OLFM2: variants seen among roughly 807,000 people sequenced by gnomAD.
The protein encoded by OLFM2 is noelin-2.
In OLFM2, 20 loss-of-function variants were observed where a neutral mutation model predicts 43.9. That is an observed-to-expected ratio of 0.46 (90% CI 0.32 to 0.66). OLFM2 has a LOEUF of 0.66. Ranked by LOEUF, OLFM2 falls within the 30% of genes least tolerant of loss-of-function variation. OLFM2 has a pLI of 0.04. For missense variants in OLFM2, 416 were observed against 643.6 expected, an observed-to-expected ratio of 0.65 and a Z score of 3.83; for synonymous variants, 268 against 278.6, an observed-to-expected ratio of 0.96 and a Z score of 0.38.
chr19:9,898,252 T>C (rs940791100), intron 1 of OLFM2, among the ~76,000 whole-genome samples: 18 of 150,176 alleles, frequency 1.2e-4, no homozygotes, highest in Non-Finnish European at 1.9e-4. Context: ...CTGGGAGTGT[T>C]GGCTCATGCC....
chr19:9,907,406 G>A (rs1315836711), intron 1 of OLFM2, among the ~76,000 whole-genome samples: 1 of 151,994 alleles, frequency 6.6e-6, no homozygotes, highest in African/African-American at 2.4e-5. Flanking sequence ...AGATCGCAGT[G>A]GGCCAAGACG....
chr19:9,913,013 C>G (rs1380108175), intron 1 of OLFM2, among the ~76,000 whole-genome samples: 2 of 151,660 alleles, frequency 1.3e-5, no homozygotes, highest in Non-Finnish European at 1.5e-5. Flanking sequence ...GAGACGCAAC[C>G]AGGCAGAGAC....
intron 1 of OLFM2, among the ~76,000 whole-genome samples, chr19:9,927,559 G>A (rs1018772416): frequency 2.0e-5 from 3 of 152,092 alleles, no homozygotes; most frequent in Non-Finnish European, 2.9e-5. Flanking sequence ...GTCTTCACTC[G>A]CTCATCCTTC....
intron 1 of OLFM2, among the ~76,000 whole-genome samples, chr19:9,872,280 G>A: frequency 6.6e-6 from 1 of 152,306 alleles, no homozygotes; most frequent in East Asian, 1.9e-4. Context: ...GGGAGGCCAA[G>A]GCAGGCAGAT....
intron 1 of OLFM2, 127 bp from the exon 2 acceptor site, chr19:9,860,921 C>T (rs972908917): frequency 2.1e-6 from 2 of 945,346 alleles, no homozygotes; most frequent in Non-Finnish European, 3.1e-6. Context: ...ATGCCAGTGC[C>T]TGTTGTGTGT....
intron 1 of OLFM2, among the ~76,000 whole-genome samples, chr19:9,929,050 C>G (rs1397448661): frequency 1.3e-5 from 2 of 151,592 alleles, no homozygotes; most frequent in Non-Finnish European, 2.9e-5. Flanking sequence ...GACCCCATCT[C>G]AAAAAGAAAA....
intron 1 of OLFM2, among the ~76,000 whole-genome samples, chr19:9,921,721 G>A (rs954606320): frequency 5.3e-5 from 8 of 152,006 alleles, no homozygotes; most frequent in Admixed American, 6.6e-5. Flanking sequence ...TCCTGACCTC[G>A]TAATCCGCCC....
intron 1 of OLFM2, among the ~76,000 whole-genome samples, chr19:9,867,264 A>G (rs1427644139): frequency 6.6e-6 from 1 of 152,246 alleles, no homozygotes; most frequent in Non-Finnish European, 1.5e-5. Context: ...CCAGCTACTC[A>G]GGAGGCTGAG....
chr19:9,891,334 G>T (rs1425155999), intron 1 of OLFM2, among the ~76,000 whole-genome samples: 2 of 133,006 alleles, frequency 1.5e-5, no homozygotes, highest in Non-Finnish European at 3.2e-5. Context: ...AAAAAAAAGT[G>T]CATGCTGGGG....
At chr19:9,860,841 G>A (rs759843336) in intron 1 of OLFM2, 47 bp from the exon 2 acceptor site, 25 of 1,560,762 alleles carry the variant, frequency 1.6e-5, no homozygotes, top group East Asian at 6.9e-5. Context: ...TGAGGGTCTC[G>A]CCTCGCCCTC....
At chr19:9,892,009 T>C (rs1191552587) in intron 1 of OLFM2, among the ~76,000 whole-genome samples, 1 of 152,144 alleles carries the variant, frequency 6.6e-6, no homozygotes, top group Non-Finnish European at 1.5e-5. Flanking sequence ...GAGAACACCA[T>C]GACCCTGGAG....
chr19:9,880,173 G>A (rs564805724), intron 1 of OLFM2, among the ~76,000 whole-genome samples: 1 of 152,274 alleles, frequency 6.6e-6, no homozygotes, highest in South Asian at 2.1e-4. Context: ...CCAGAGCCTG[G>A]TTTTGAGGGT....
chr19:9,857,676 C>A lies in OLFM2; in HGVS notation c.360+39G>T. The A allele has an allele frequency of 6.2e-7, 1 of 1,613,932 alleles. No homozygotes were observed. The highest frequency in any genetic ancestry group is 1.1e-5 in the South Asian group (1 of 90,982). Reference sequence around the variant, plus strand: ...GAACTAATGGATACCAAATCCCAGTCATTTGTTTGACCTCTGGTCTGGACA... The same window carrying A: ...GAACTAATGGATACCAAATCCCAGTAATTTGTTTGACCTCTGGTCTGGACA... On this transcript the variant is annotated intron_variant, in intron 3 of 5. Transcript: ENST00000264833. The surrounding 1 kb of genome is among the most constrained non-coding windows in gnomAD (Gnocchi z 5.7).
intron 1 of OLFM2, among the ~76,000 whole-genome samples, chr19:9,898,843 G>A (rs1006858917): frequency 6.6e-6 from 1 of 152,136 alleles, no homozygotes. Context: ...CCACTGTTCT[G>A]GTTCAGATAA....
chr19:9,882,938 C>A (rs995478966), intron 1 of OLFM2, among the ~76,000 whole-genome samples: 1 of 151,510 alleles, frequency 6.6e-6, no homozygotes, highest in African/African-American at 2.4e-5. Context: ...GTGGCTCACA[C>A]CTGTAATCCC....
At chr19:9,894,409 T>TAATA (rs372798977) in intron 1 of OLFM2, among the ~76,000 whole-genome samples, 35 of 100,522 alleles carry the variant, frequency 3.5e-4, no homozygotes, top group African/African-American at 1.2e-3. Context: ...ATAATAATAA[T>TAATA]AATAAATAAA....
chr19:9,858,365 C>T (rs1042545693), intron 2 of OLFM2, among the ~76,000 whole-genome samples: 3 of 152,226 alleles, frequency 2.0e-5, no homozygotes, highest in Admixed American at 1.3e-4. Flanking sequence ...GGCTCCTTCT[C>T]ATCCTTCAGG....
chr19:9,934,636 C>G (rs1051690702), intron 1 of OLFM2, among the ~76,000 whole-genome samples: 3 of 152,076 alleles, frequency 2.0e-5, no homozygotes, highest in Non-Finnish European at 4.4e-5. Context: ...CTCTTTTGGT[C>G]TCTCGTCTCC....
intron 2 of OLFM2, among the ~76,000 whole-genome samples, chr19:9,858,886 C>T (rs2046344786): frequency 6.6e-6 from 1 of 151,880 alleles, no homozygotes; most frequent in Admixed American, 6.6e-5. Context: ...GGTAGACTCC[C>T]ACCTTGTTAA....
Sources: gnomAD v4.1 joint callset for allele counts (sites outside exome capture counted in the v4.1 genomes callset) on GRCh38, gnomAD v4.1.1 for gene constraint, Gnocchi (gnomAD v3.1) non-coding constraint, MANE v1.5 for transcripts, NCBI Gene and HGNC (gene_info 2026-07-23, HGNC 2026-07-21) for gene names.